Variants in ARL15 observed in about 807,000 individuals in gnomAD.
ARL15 encodes ADP-ribosylation factor-like protein 15.
A neutral mutation model predicts 25.2 loss-of-function variants in ARL15; 19 were observed. The observed-to-expected ratio is 0.75, with a 90% CI of 0.53 to 1.10. The LOEUF is 1.10. ARL15 is among the 50% of genes least tolerant of loss of function. ARL15 has a pLI of 0.00. For synonymous variants in ARL15, 94 were observed against 86.8 expected (o/e 1.08, Z -0.46); for missense variants, 220 against 246.0 (o/e 0.89, Z 0.71).
chr5:53,897,968 C>T (rs1744927571), intron 4 of ARL15, among the ~76,000 whole-genome samples: 2 of 152,000 alleles, frequency 1.3e-5, no homozygotes, highest in South Asian at 2.1e-4. Context: ...ATTATATGCA[C>T]ATTACATTAT....
In ARL15 at chr5:53,885,834, A is replaced by G. The variant is rs1744505403; in HGVS notation, c.*727T>C. The G allele has an allele frequency of 6.6e-6, 1 of 152,186 alleles. No individual in the cohort carries two copies. The highest frequency in any genetic ancestry group is 2.4e-5 in the African/African-American group (1 of 41,450). 9.4% of individuals were successfully genotyped at this position (152,186 alleles called of 1,614,324 possible). Reference sequence around the variant, plus strand: ...ATATTTGAAGACTCGAATCAATCAAATACAGTCTGTGATGCATGCATTGTA... The same window carrying G: ...ATATTTGAAGACTCGAATCAATCAAGTACAGTCTGTGATGCATGCATTGTA... On this transcript the variant is annotated 3_prime_UTR_variant, in exon 5 of 5. Transcript: ENST00000504924.
intron 4 of ARL15, among the ~76,000 whole-genome samples, chr5:53,999,527 G>A (rs1225310307): frequency 2.0e-5 from 3 of 152,036 alleles, no homozygotes; most frequent in Non-Finnish European, 4.4e-5. Flanking sequence ...GGAGGTGGAG[G>A]GTGCAGTGAG....
In ARL15 at chr5:54,162,929, C is replaced by T. The variant is rs796198071; in HGVS notation, c.194-8290G>A. Among the ~76,000 whole-genome samples the T allele has an allele frequency of 2.6e-5, 4 of 152,236 alleles. No homozygotes were observed. The East Asian group carries it at 5.8e-4, about 22-fold the overall frequency. ...CCTGATTTACTGGCTAGAATCTCTA[C>T]CACAATGTTGAATAGATGTGGTGAG... On this transcript the variant is annotated intron_variant, in intron 2 of 4. Coordinates refer to ENST00000504924, the MANE Select transcript of ARL15 (RefSeq NM_019087.3).
At chr5:54,285,447 T>C in intron 1 of ARL15, 1 of 442,420 alleles carries the variant, frequency 2.3e-6, no homozygotes, top group Non-Finnish European at 3.0e-6. Flanking sequence ...TACTATACAG[T>C]CCAAAAAATG....
chr5:54,186,341 G>A (rs1384755330), intron 1 of ARL15, among the ~76,000 whole-genome samples: 1 of 152,236 alleles, frequency 6.6e-6, no homozygotes, highest in African/African-American at 2.4e-5. Flanking sequence ...TATTGGTGAT[G>A]AGAGAGGCAG....
intron 4 of ARL15, among the ~76,000 whole-genome samples, chr5:53,930,690 T>C (rs770256220): frequency 6.6e-6 from 1 of 152,122 alleles, no homozygotes; most frequent in Non-Finnish European, 1.5e-5. Context: ...GACATTCCTA[T>C]GAACAGGAAA....
In ARL15 at chr5:54,132,539, T is replaced by C. The variant is rs146654075; in HGVS notation, c.254-19129A>G. ...AAACATAAAGAATTTTAATTTGTTA[T>C]TTAAAAAATATAAACTAAAATTATA... On this transcript the variant is annotated intron_variant, in intron 3 of 4. Transcript: ENST00000504924. Among the ~76,000 whole-genome samples the C allele has an allele frequency of 1.6e-3, 248 of 152,294 alleles. 2 individuals carry two copies. Among genetic ancestry groups the C allele is most frequent in the Admixed American group, 8.1e-3 (124 of 15,296 alleles).
At chr5:53,999,405 A>G (rs1355521778) in intron 4 of ARL15, among the ~76,000 whole-genome samples, 1 of 151,968 alleles carries the variant, frequency 6.6e-6, no homozygotes, top group Non-Finnish European at 1.5e-5. Flanking sequence ...CCTGGCCAAC[A>G]TGGTGAAATC....
chr5:53,908,452 CAAG>C (rs1745343606), intron 4 of ARL15, among the ~76,000 whole-genome samples: 1 of 152,104 alleles, frequency 6.6e-6, no homozygotes, highest in Non-Finnish European at 1.5e-5. Context: ...TATAAGGAGT[CAAG>C]AAATAATTTA....
At chr5:53,980,542 G>A (rs1256743307) in intron 4 of ARL15, among the ~76,000 whole-genome samples, 2 of 152,188 alleles carry the variant, frequency 1.3e-5, no homozygotes, top group Non-Finnish European at 2.9e-5. Flanking sequence ...TAAATTACAG[G>A]AGGTGGATGG....
intron 4 of ARL15, among the ~76,000 whole-genome samples, chr5:53,960,295 A>G (rs1462379945): frequency 6.6e-6 from 1 of 152,214 alleles, no homozygotes; most frequent in Non-Finnish European, 1.5e-5. Flanking sequence ...GACATTTAAA[A>G]ACAAGAACAC....
At chr5:53,993,346 G>A (rs910271860) in intron 4 of ARL15, among the ~76,000 whole-genome samples, 5 of 152,016 alleles carry the variant, frequency 3.3e-5, no homozygotes, top group East Asian at 3.9e-4. Flanking sequence ...ATGGTAGCTC[G>A]TGCCTGTAAT....
chr5:53,941,580 T>C (rs1445620580), intron 4 of ARL15, among the ~76,000 whole-genome samples: 1 of 152,218 alleles, frequency 6.6e-6, no homozygotes, highest in African/African-American at 2.4e-5. Flanking sequence ...ACAAGTCTTT[T>C]CAGAAACTAC....
chr5:54,279,255 A>AT (rs34236642), intron 1 of ARL15, among the ~76,000 whole-genome samples: 91,856 of 150,232 alleles, frequency 0.61, 29,745 homozygotes, highest in Non-Finnish European at 0.73. Flanking sequence ...ATTTACAAGA[A>AT]TTTTTTTTTT....
rs913966981 is a variant in ARL15 at position 54,244,812 on chromosome 5, C to A, written c.48+65620G>T. On this transcript the variant is annotated intron_variant, in intron 1 of 4. Coordinates refer to ENST00000504924, the MANE Select transcript of ARL15 (RefSeq NM_019087.3). ...AAAAGGTAGCCATAAAAAAAAAAAA[C>A]ATCAGAAGGTTAATCATCAGCATTT... is the stretch of plus-strand genomic sequence containing the variant. 2.7e-5 allele frequency among the ~76,000 whole-genome samples: 4 copies of A among 148,788 alleles called. No individual in the cohort carries two copies. In the South Asian group the frequency reaches 6.3e-4, roughly 23 times the overall value.
intron 4 of ARL15, among the ~76,000 whole-genome samples, chr5:54,095,456 T>G (rs944223425): frequency 3.9e-5 from 6 of 152,150 alleles, no homozygotes; most frequent in Non-Finnish European, 8.8e-5. Context: ...TTTGTTAAAC[T>G]GATGAATGAA....
chr5:53,999,157 T>C (rs1479893206), intron 4 of ARL15, among the ~76,000 whole-genome samples: 1 of 152,030 alleles, frequency 6.6e-6, no homozygotes, highest in African/African-American at 2.4e-5. Flanking sequence ...TCGGTAAGTG[T>C]CTATACTCAA....
chr5:53,904,098 T>C (rs1424936580), intron 4 of ARL15, among the ~76,000 whole-genome samples: 1 of 152,230 alleles, frequency 6.6e-6, no homozygotes, highest in Non-Finnish European at 1.5e-5. Context: ...GACAAATCTA[T>C]AGTTGGGTTC....
chr5:54,294,836 C>A (rs1213074127), intron 1 of ARL15, among the ~76,000 whole-genome samples: 3 of 152,172 alleles, frequency 2.0e-5, no homozygotes, highest in Admixed American at 6.6e-5. Context: ...TTATATAAAG[C>A]AATTGGGATA....
Sources: allele counts gnomAD v4.1 joint callset (sites outside exome capture counted in the v4.1 genomes callset), GRCh38; gene constraint gnomAD v4.1.1; transcripts MANE v1.5; gene names NCBI Gene and HGNC (gene_info 2026-07-23, HGNC 2026-07-21).